The following CDYL variants were observed in gnomAD, a reference collection of about 807,000 sequenced individuals.
CDYL encodes chromodomain Y-like protein.
A neutral mutation model predicts 47.3 loss-of-function variants in CDYL; 8 were observed. That is an observed-to-expected ratio of 0.17 (90% CI 0.10 to 0.31). CDYL has a LOEUF of 0.31. Among genes scored for constraint, CDYL ranks in the 10% least tolerant of loss-of-function variants. CDYL has a pLI of 1.00. For missense variants in CDYL, 471 were observed against 701.4 expected (o/e 0.67, Z 3.71); for synonymous variants, 266 against 265.0 (o/e 1.00, Z -0.04).
At chr6:4,816,427 T>C (rs1759678196) in intron 1 of CDYL, among the ~76,000 whole-genome samples, 1 of 151,922 alleles carries the variant, frequency 6.6e-6, no homozygotes, top group Non-Finnish European at 1.5e-5. Flanking sequence ...ATCTGCTGGG[T>C]ATTGTTTTAA....
chr6:4,769,003 A>C (rs997294075), intron 3 of CDYL, among the ~76,000 whole-genome samples: 1 of 152,198 alleles, frequency 6.6e-6, no homozygotes, highest in Admixed American at 6.5e-5. Flanking sequence ...CACAAAATGT[A>C]CTCTTCAAAA....
intron 5 of CDYL, among the ~76,000 whole-genome samples, chr6:4,946,168 G>A (rs773225135): frequency 6.6e-6 from 1 of 152,066 alleles, no homozygotes; most frequent in Non-Finnish European, 1.5e-5. Context: ...GCCCTGGGTG[G>A]CCAGCGACCA....
chr6:4,711,570 G>A (rs1009191136), intron 1 of CDYL, among the ~76,000 whole-genome samples: 2 of 152,184 alleles, frequency 1.3e-5, no homozygotes, highest in African/African-American at 4.8e-5. Flanking sequence ...TCAGATGCTG[G>A]GGTTTTTTTC....
Position 4,895,435 on chromosome 6 carries a change from A to ATGTATATATGTGCATATGTGCATG in CDYL, c.691+3057_691+3058insGTATATATGTGCATATGTGCATGT, listed in dbSNP as rs1762239342. 6.6e-5 allele frequency among the ~76,000 whole-genome samples: 4 copies of ATGTATATATGTGCATATGTGCATG among 60,814 alleles called. 2 individuals are homozygous for ATGTATATATGTGCATATGTGCATG. Among genetic ancestry groups the ATGTATATATGTGCATATGTGCATG allele is most frequent in the African/African-American group, 2.5e-4 (4 of 15,724 alleles). 39.9% of individuals were successfully genotyped at this position (60,814 alleles called of 152,430 possible). A position where few individuals can be genotyped will look rare whatever the true frequency, so the allele number is the denominator to read the frequency against. On this transcript the variant is annotated intron_variant, in intron 2 of 6. Transcript: ENST00000397588. ...TACGTATATATGCATGTATACATGTATACGTATATATGCATATATACATGT... is the reference window on the plus strand; with the variant it reads ...TACGTATATATGCATGTATACATGTATGTATATATGTGCATATGTGCATGTACGTATATATGCATATATACATGT...
At chr6:4,857,542 T>G (rs1761045946) in intron 1 of CDYL, among the ~76,000 whole-genome samples, 1 of 152,178 alleles carries the variant, frequency 6.6e-6, no homozygotes, top group Non-Finnish European at 1.5e-5. Flanking sequence ...CTTTGTAGCT[T>G]TGTAGGCCTT....
chr6:4,888,389 G>A (rs1387894663), intron 1 of CDYL, among the ~76,000 whole-genome samples: 1 of 151,798 alleles, frequency 6.6e-6, no homozygotes. Context: ...TATATTTCTA[G>A]GAATTTGTTT....
At chr6:4,724,424 T>C (rs763019296) in intron 2 of CDYL, 3 of 152,296 alleles carry the variant, frequency 2.0e-5, no homozygotes, top group Non-Finnish European at 4.4e-5. Context: ...GATGGGTTTA[T>C]GCTGCAGTAC....
In CDYL at chr6:4,743,240, A is replaced by G. The variant is rs539906751; in HGVS notation, c.186+8396A>G. On this transcript the variant is annotated intron_variant, in intron 3 of 8. Coordinates refer to the CDYL transcript ENST00000328908. Reference sequence around the variant, plus strand: ...AAGGAACCTAGGAAGATGCTCGGAAAGTGCCTGGGGCCACAGCCTTATCTC... The same window carrying G: ...AAGGAACCTAGGAAGATGCTCGGAAGGTGCCTGGGGCCACAGCCTTATCTC... Among the ~76,000 whole-genome samples, 170 of 152,310 alleles carry G rather than the reference A, an allele frequency of 1.1e-3. 1 individual carries two copies. Among genetic ancestry groups the G allele is most frequent in the Non-Finnish European group, 1.9e-3 (127 of 68,030 alleles).
chr6:4,811,608 C>A (rs371891883), intron 1 of CDYL, among the ~76,000 whole-genome samples: 2 of 126,730 alleles, frequency 1.6e-5, no homozygotes, highest in African/African-American at 3.0e-5. Context: ...TGACATTATT[C>A]TTTTTTTTTT....
intron 1 of CDYL, among the ~76,000 whole-genome samples, chr6:4,826,366 T>A (rs1759982292): frequency 6.6e-6 from 1 of 152,200 alleles, no homozygotes; most frequent in South Asian, 2.1e-4. Flanking sequence ...ACCCGTAATC[T>A]TTATTATTTT....
chr6:4,923,073 A>G lies in CDYL; in HGVS notation c.692-12442A>G, dbSNP rs559162310. ...CACTTCAGACATTTATCATTTCTTT[A>G]TTTTGGTAACATTTAAAATCTGCTC... On this transcript the variant is annotated intron_variant, in intron 2 of 6. Coordinates refer to ENST00000397588, the MANE Select transcript of CDYL (RefSeq NM_004824.4). Among the ~76,000 whole-genome samples, 4 of 152,236 alleles carry G rather than the reference A, an allele frequency of 2.6e-5. No homozygotes were observed. In the South Asian group the frequency reaches 8.3e-4, roughly 32 times the overall value.
At chr6:4,885,726 C>G (rs1761883209) in intron 1 of CDYL, among the ~76,000 whole-genome samples, 1 of 152,224 alleles carries the variant, frequency 6.6e-6, no homozygotes, top group Non-Finnish European at 1.5e-5. Flanking sequence ...CTTTATTTCA[C>G]TTCCCCCTTT....
chr6:4,821,758 C>T (rs1463051595), intron 1 of CDYL, among the ~76,000 whole-genome samples: 1 of 151,550 alleles, frequency 6.6e-6, no homozygotes, highest in African/African-American at 2.4e-5. Flanking sequence ...AAAAGCGATC[C>T]TTGGGTTTCC....
At chr6:4,709,824 C>A (rs372801794) in intron 1 of CDYL, among the ~76,000 whole-genome samples, 1 of 152,192 alleles carries the variant, frequency 6.6e-6, no homozygotes, top group Non-Finnish European at 1.5e-5. Context: ...CGGTGTGAGG[C>A]ATATGGTAAG....
chr6:4,848,360 A>G (rs1760722817), intron 1 of CDYL, among the ~76,000 whole-genome samples: 1 of 152,176 alleles, frequency 6.6e-6, no homozygotes, highest in African/African-American at 2.4e-5. Context: ...AGAGTTTCGT[A>G]AAGACTTTTA....
intron 1 of CDYL, among the ~76,000 whole-genome samples, chr6:4,876,423 C>T (rs1761621832): frequency 6.6e-6 from 1 of 152,078 alleles, no homozygotes; most frequent in Admixed American, 6.5e-5. Flanking sequence ...AGACCTTTTG[C>T]CAAAGTGGCT....
chr6:4,734,793 C>T, exon 3 of CDYL: 1 of 1,614,178 alleles, frequency 6.2e-7, no homozygotes, highest in Non-Finnish European at 8.5e-7. Flanking sequence ...CAGACCCCAG[C>T]ATCTCCGTGA....
In CDYL at chr6:4,862,721, C is replaced by A. The variant is rs117757824; in HGVS notation, c.25-28992C>A. On this transcript the variant is annotated intron_variant, in intron 1 of 6. Transcript: ENST00000397588. ...GTTTGTAATTCCTAGACTATTTCCT[C>A]ATTTATAGCTTCAAAGAGAAACTCT... 4.7e-4 allele frequency among the ~76,000 whole-genome samples: 71 copies of A among 152,300 alleles called. 1 individual carries two copies. The East Asian group carries it at 0.013, about 29-fold the overall frequency.
chr6:4,908,354 G>C (rs921282983), intron 2 of CDYL, among the ~76,000 whole-genome samples: 1 of 152,154 alleles, frequency 6.6e-6, no homozygotes, highest in African/African-American at 2.4e-5. Context: ...TTTAGGCATT[G>C]GTGTTTCATA....
Sources: allele counts gnomAD v4.1 joint callset (sites outside exome capture counted in the v4.1 genomes callset), GRCh38; gene constraint gnomAD v4.1.1; transcripts MANE v1.5; gene names NCBI Gene and HGNC (gene_info 2026-07-23, HGNC 2026-07-21).